Variants in SYN1 observed in about 807,000 individuals in gnomAD.
The protein encoded by SYN1 is synapsin-1.
A neutral mutation model predicts 44.6 loss-of-function variants in SYN1; 8 were observed. That is an observed-to-expected ratio of 0.18 (90% CI 0.11 to 0.32). The LOEUF (loss-of-function observed/expected upper bound fraction) is 0.32. SYN1 is among the 10% of genes least tolerant of loss of function. SYN1 has a pLI of 1.00. For missense variants in SYN1, 451 were observed against 639.4 expected, an observed-to-expected ratio of 0.71 and a Z score of 3.18; for synonymous variants, 275 against 280.1, an observed-to-expected ratio of 0.98 and a Z score of 0.18.
intron 3 of SYN1, among the ~76,000 whole-genome samples, chrX:47,606,160 T>C (rs1392296407): frequency 9.0e-6 from 1 of 111,607 alleles, no homozygotes; most frequent in Non-Finnish European, 1.9e-5. Context: ...CCCAAAGTGC[T>C]GGGATTATAG....
chrX:47,586,242 C>T, intron 5 of SYN1: 2 of 751,606 alleles, frequency 2.7e-6, no homozygotes, highest in Non-Finnish European at 3.1e-6. Flanking sequence ...GCCAGTTTTT[C>T]CCTGTCCTTT....
Position 47,572,858 on chromosome X carries a change from G to C in SYN1, c.*6C>G, listed in dbSNP as rs375458979. The C allele has an allele frequency of 4.1e-6, 5 of 1,209,449 alleles. No homozygotes were observed. In the African/African-American group the frequency reaches 7.0e-5, roughly 17 times the overall value. Reference sequence around the variant, plus strand: ...CCAGGGATTTTGGGGTTCTCAGAGTGGGGTATCAGTCGGAGAAGAGGCTGG... The same window carrying C: ...CCAGGGATTTTGGGGTTCTCAGAGTCGGGTATCAGTCGGAGAAGAGGCTGG... On this transcript the variant is annotated 3_prime_UTR_variant, in exon 13 of 13. Transcript: ENST00000295987.
chrX:47,604,813 A>G (rs889507058), intron 5 of SYN1, 165 bp downstream of exon 5: 1 of 500,661 alleles, frequency 2.0e-6, no homozygotes, highest in African/African-American at 2.3e-5. Flanking sequence ...CCTTGTAAGC[A>G]TAAGGAAATT....
intron 5 of SYN1, among the ~76,000 whole-genome samples, chrX:47,592,080 C>T (rs1222924178): frequency 8.9e-6 from 1 of 111,935 alleles, no homozygotes; most frequent in Non-Finnish European, 1.9e-5. Flanking sequence ...CGGCTCATGC[C>T]TATAATCCCA....
chrX:47,600,297 TCCTC>T (rs1452827683), intron 5 of SYN1, among the ~76,000 whole-genome samples: 6 of 110,645 alleles, frequency 5.4e-5, no homozygotes, highest in African/African-American at 1.6e-4. Flanking sequence ...GCTCAAGTGA[TCCTC>T]CCACTTCAGC....
chrX:47,596,475 G>C (rs2057863954), intron 5 of SYN1, among the ~76,000 whole-genome samples: 1 of 112,414 alleles, frequency 8.9e-6, no homozygotes, highest in Non-Finnish European at 1.9e-5. Flanking sequence ...GCACAAGCAG[G>C]AAATGAAGGA....
intron 1 of SYN1, among the ~76,000 whole-genome samples, chrX:47,616,904 G>A (rs556830245): frequency 1.8e-5 from 2 of 110,480 alleles, no homozygotes; most frequent in Non-Finnish European, 1.9e-5. Context: ...GGGGAATTGG[G>A]ACTACAAAAA....
chrX:47,603,220 A>G (rs1240998953), intron 5 of SYN1, among the ~76,000 whole-genome samples: 1 of 111,346 alleles, frequency 9.0e-6, no homozygotes, highest in Non-Finnish European at 1.9e-5. Flanking sequence ...GTTTTGAGAC[A>G]GGGTCTCACT....
chrX:47,608,370 T>G (rs1350941953), intron 1 of SYN1, among the ~76,000 whole-genome samples: 1 of 111,041 alleles, frequency 9.0e-6, no homozygotes, highest in Non-Finnish European at 1.9e-5. Context: ...TTTTGTGTAT[T>G]TTTTAGTGCC....
At chrX:47,595,032 A>C (rs1287297814) in intron 5 of SYN1, among the ~76,000 whole-genome samples, 3 of 111,305 alleles carry the variant, frequency 2.7e-5, no homozygotes, top group Admixed American at 9.6e-5. Context: ...TGGCTGTCCC[A>C]TCACATTTCT....
chrX:47,616,574 T>C (rs2057932068), intron 1 of SYN1, among the ~76,000 whole-genome samples: 2 of 111,758 alleles, frequency 1.8e-5, no homozygotes, highest in Admixed American at 1.9e-4. Flanking sequence ...CTGACTTCAA[T>C]GGAGCAAACT....
intron 7 of SYN1, 29 bp downstream of exon 7, chrX:47,576,469 C>T: frequency 8.2e-7 from 1 of 1,212,231 alleles, no homozygotes; most frequent in Non-Finnish European, 1.1e-6. Context: ...GCAGGGGACC[C>T]CTTCCAGGGC....
chrX:47,575,333 A>G, intron 9 of SYN1, 59 bp from the exon 10 acceptor site: 1 of 1,176,259 alleles, frequency 8.5e-7, no homozygotes, highest in Non-Finnish European at 1.1e-6. Flanking sequence ...AGGCGGCAGT[A>G]ACACCGTGCT....
At chrX:47,581,461 C>T (rs2057798054) in intron 5 of SYN1, among the ~76,000 whole-genome samples, 2 of 111,675 alleles carry the variant, frequency 1.8e-5, no homozygotes, top group Non-Finnish European at 3.8e-5. Context: ...TAGTTTTCTA[C>T]TGACCCACTC....
intron 5 of SYN1, among the ~76,000 whole-genome samples, chrX:47,597,349 A>AAG (rs1556860032): frequency 9.1e-6 from 1 of 110,101 alleles, no homozygotes; most frequent in African/African-American, 3.3e-5. Context: ...AAAAAAAAAA[A>AAG]AAAGAAATTC....
Position 47,607,028 on chromosome X carries a change from G to A in SYN1, c.444C>T (p.Phe148=). 1 of 1,211,051 alleles carries A rather than the reference G, an allele frequency of 8.3e-7. No individual in the cohort carries two copies. The highest frequency in any genetic ancestry group is 1.1e-6 in the Non-Finnish European group (1 of 895,252). Residue 148 remains phenylalanine, a synonymous_variant, in exon 3 of 13, where the codon TTC becomes TTT. Transcript: ENST00000295987. The part of the protein sequence containing the change: ...EIDIKVEQAE[F]SDLNLVAHAN... Reference sequence around the variant, plus strand: ...CATGGGCCACAAGGTTGAGATCAGAGAATTCGGCCTGGGAAGGAGAAAAAA... The same window carrying A: ...CATGGGCCACAAGGTTGAGATCAGAAAATTCGGCCTGGGAAGGAGAAAAAA...
intron 5 of SYN1, among the ~76,000 whole-genome samples, chrX:47,595,182 T>C (rs2057860424): frequency 8.9e-6 from 1 of 111,925 alleles, no homozygotes; most frequent in Non-Finnish European, 1.9e-5. Flanking sequence ...AGCTCTGTGC[T>C]CTTTCCCACA....
At chrX:47,595,705 A>C (rs1229779310) in intron 5 of SYN1, among the ~76,000 whole-genome samples, 1 of 112,053 alleles carries the variant, frequency 8.9e-6, no homozygotes, top group Non-Finnish European at 1.9e-5. Flanking sequence ...AGGGCCTTGA[A>C]GCAAGAACAT....
chrX:47,575,717 G>A (rs1329905682), intron 9 of SYN1, among the ~76,000 whole-genome samples: 1 of 112,028 alleles, frequency 8.9e-6, no homozygotes, highest in African/African-American at 3.2e-5. Flanking sequence ...CAGAGGCTAC[G>A]TGGCCTACAA....
Sources: gnomAD v4.1 joint callset for allele counts (sites outside exome capture counted in the v4.1 genomes callset) on GRCh38, gnomAD v4.1.1 for gene constraint, MANE v1.5 for transcripts, NCBI Gene and HGNC (gene_info 2026-07-23, HGNC 2026-07-21) for gene names.